The following HOOK1 variants were observed in gnomAD, a reference collection of about 807,000 sequenced individuals.
The protein encoded by HOOK1 is hook microtubule tethering protein 1.
A neutral mutation model predicts 112.8 loss-of-function variants in HOOK1; 60 were observed. The observed-to-expected ratio is 0.53, with a 90% CI of 0.43 to 0.66. The LOEUF is 0.66. Among genes scored for constraint, HOOK1 ranks in the 30% least tolerant of loss-of-function variants. The probability of loss-of-function intolerance (pLI) is 0.00; values close to 1 mark genes in which losing one functional copy is unlikely to be tolerated. For missense variants in HOOK1, 770 were observed against 856.0 expected (o/e 0.90, Z 1.25); for synonymous variants, 294 against 283.8 (o/e 1.04, Z -0.36).
intron 20 of HOOK1, among the ~76,000 whole-genome samples, chr1:59,869,683 A>G (rs1396231265): frequency 6.6e-6 from 1 of 152,170 alleles, no homozygotes; most frequent in Non-Finnish European, 1.5e-5. Context: ...TCCTACATCC[A>G]TAGTACGACA....
At chr1:59,850,259 C>T (rs766130712) in intron 12 of HOOK1, among the ~76,000 whole-genome samples, 4 of 150,732 alleles carry the variant, frequency 2.7e-5, no homozygotes, top group Non-Finnish European at 5.9e-5. Context: ...TTTATATATT[C>T]TAGATACAAG....
chr1:59,834,280 G>A (rs554443615), intron 5 of HOOK1, among the ~76,000 whole-genome samples: 2 of 152,140 alleles, frequency 1.3e-5, no homozygotes, highest in East Asian at 3.9e-4. Flanking sequence ...TTCAAGCCAG[G>A]GCCTTGGAAA....
Position 59,821,901 on chromosome 1 carries a change from AGCTG to A in HOOK1, c.108_111del (p.Thr38ValfsTer22). ...GCCTCACCTTGTCAAGATGTCAAACAGCTGACTAGTGGAGTTGCCATGGCACAAG... is the reference window on the plus strand; with the variant it reads ...GCCTCACCTTGTCAAGATGTCAAACAACTAGTGGAGTTGCCATGGCACAAG... On this transcript the variant is annotated frameshift_variant, in exon 2 of 22. Transcript: ENST00000371208. LOFTEE classifies it high-confidence loss of function. 6.2e-7 allele frequency: 1 copy of A among 1,609,348 alleles called. No homozygotes were observed.
intron 1 of HOOK1, among the ~76,000 whole-genome samples, chr1:59,818,478 A>G (rs943229979): frequency 6.6e-6 from 1 of 152,226 alleles, no homozygotes; most frequent in Non-Finnish European, 1.5e-5. Flanking sequence ...CTTAGCAGAA[A>G]ATTCAGGGCA....
chr1:59,845,023 G>A (rs946585451), intron 9 of HOOK1, among the ~76,000 whole-genome samples: 1 of 151,868 alleles, frequency 6.6e-6, no homozygotes, highest in Admixed American at 6.6e-5. Context: ...GTCCATTCCT[G>A]CTGCTTTAAC....
At chr1:59,858,685 T>C (rs1279387041) in intron 13 of HOOK1, among the ~76,000 whole-genome samples, 170 bp downstream of exon 13, 4 of 151,158 alleles carry the variant, frequency 2.6e-5, no homozygotes, top group African/African-American at 9.7e-5. Context: ...TGCAGTGAGC[T>C]ATGATTGTAC....
chr1:59,831,929 A>G (rs1363662807), intron 3 of HOOK1, among the ~76,000 whole-genome samples: 1 of 152,226 alleles, frequency 6.6e-6, no homozygotes, highest in African/African-American at 2.4e-5. Flanking sequence ...AAATTTTTAC[A>G]GTGGGCCCTT....
intron 21 of HOOK1, among the ~76,000 whole-genome samples, chr1:59,871,519 A>G (rs1052500739): frequency 6.6e-6 from 1 of 152,184 alleles, no homozygotes; most frequent in Non-Finnish European, 1.5e-5. Flanking sequence ...AACATCCTCT[A>G]AAGCCTCAGT....
At position 59,833,532 on chromosome 1, in the gene HOOK1, A is replaced by C; in HGVS notation, c.401A>C (p.Lys134Thr). Residue 134 changes from lysine to threonine, a missense_variant, in exon 5 of 22, where the codon AAG becomes ACG. Around this residue, in one of 3 missense-constraint regions of HOOK1, gnomAD observed 655 missense variants for 725.9 expected, o/e 0.90. Transcript: ENST00000371208. ...GGTTGTGCGATCAACTGTGAAAAGA[A>C]GCAAGGTAAGTGAATTTCAATCATT... ...ILGCAINCEK[K>T]QEHIQNIMTL... 6.5e-7 allele frequency: 1 copy of C among 1,548,146 alleles called. No individual in the cohort carries two copies. The highest frequency in any genetic ancestry group is 8.8e-7 in the Non-Finnish European group (1 of 1,139,728).
In HOOK1 at chr1:59,843,578, A is replaced by G. The variant is rs1050910098; in HGVS notation, c.768A>G (p.Gln256=). Residue 256 remains glutamine, a synonymous_variant, in exon 9 of 22, where the codon CAA becomes CAG. Coordinates refer to ENST00000371208, the MANE Select transcript of HOOK1 (RefSeq NM_015888.6). ...KYFHAQLQLE[Q]LQEENFRLEA... ...TTCATGCACAATTACAACTAGAACAATTACAGGAAGAAAACTTCAGGTAGC... is the reference window on the plus strand; with the variant it reads ...TTCATGCACAATTACAACTAGAACAGTTACAGGAAGAAAACTTCAGGTAGC... 1.9e-6 allele frequency: 3 copies of G among 1,600,216 alleles called. No homozygotes were observed. The highest frequency in any genetic ancestry group is 2.6e-6 in the Non-Finnish European group (3 of 1,174,576).
chr1:59,858,526 T>C lies in HOOK1; in HGVS notation c.1330+11T>C, dbSNP rs2098411853. The C allele has an allele frequency of 6.3e-7, 1 of 1,584,630 alleles. No homozygotes were observed. The highest frequency in any genetic ancestry group is 8.7e-7 in the Non-Finnish European group (1 of 1,153,394). Reference sequence around the variant, plus strand: ...ACCTAAACCAAACAGGTTAATTTTGTTAGATTTAGAAAAGTTTCAGCCTGG... The same window carrying C: ...ACCTAAACCAAACAGGTTAATTTTGCTAGATTTAGAAAAGTTTCAGCCTGG... On this transcript the variant is annotated intron_variant, in intron 13 of 21. Transcript: ENST00000371208.
At position 59,872,979 on chromosome 1, in the gene HOOK1, C is replaced by A. The variant is rs536716188; in HGVS notation, c.*14C>A. ...ACATCTGATTAAACTGCAAAAAAAA[C>A]AAAACAAAACAAAAAAACCACATAA... On this transcript the variant is annotated 3_prime_UTR_variant, in exon 22 of 22. Coordinates refer to ENST00000371208, the MANE Select transcript of HOOK1 (RefSeq NM_015888.6). The A allele has an allele frequency of 5.9e-5, 85 of 1,429,186 alleles. No individual in the cohort carries two copies. In the African/African-American group the frequency reaches 8.9e-4, roughly 15 times the overall value. The allele number at this position is 1,429,186 out of a possible 1,614,324, so 88.5% of individuals were successfully genotyped here.
Position 59,872,781 on chromosome 1 carries a change from T to A in HOOK1, c.2017-14T>A. The A allele has an allele frequency of 9.2e-7, 1 of 1,092,522 alleles. No homozygotes were observed. The highest frequency in any genetic ancestry group is 2.5e-5 in the South Asian group (1 of 39,508). The allele number at this position is 1,092,522 out of a possible 1,614,324, so 67.7% of individuals were successfully genotyped here. A position where few individuals can be genotyped will look rare whatever the true frequency, so the allele number is the denominator to read the frequency against. On this transcript the variant is annotated splice_polypyrimidine_tract_variant and intron_variant, in intron 21 of 21. Coordinates refer to ENST00000371208, the MANE Select transcript of HOOK1 (RefSeq NM_015888.6). ...AGTCATGTTAAATAAAAAATATATG[T>A]TTTTTTTTTTCAGAGTCTAGCATTC...
Position 59,864,633 on chromosome 1 carries a change from C to A in HOOK1, c.1628C>A (p.Ser543Tyr). Residue 543 changes from serine to tyrosine, a missense_variant and splice_region_variant, in exon 17 of 22, where the codon TCC becomes TAC. Coordinates refer to ENST00000371208, the MANE Select transcript of HOOK1 (RefSeq NM_015888.6). ...AGCAATTTTTTTTAAATTTTATAGT[C>A]CAGCAAATTAAAGCAGAAGTTGGAA... ...EQGSKSEGES[S>Y]SKLKQKLEAH... The A allele has an allele frequency of 1.9e-6, 3 of 1,539,468 alleles. No individual in the cohort carries two copies. Among genetic ancestry groups the A allele is most frequent in the Non-Finnish European group, 1.8e-6 (2 of 1,120,162 alleles).
chr1:59,860,888 C>G (rs1446535347), intron 15 of HOOK1, among the ~76,000 whole-genome samples: 7 of 151,944 alleles, frequency 4.6e-5, no homozygotes. Context: ...ATTCTCCTGC[C>G]TCACCCTCCC....
chr1:59,849,853 A>G (rs2098406199), intron 12 of HOOK1, among the ~76,000 whole-genome samples: 2 of 151,570 alleles, frequency 1.3e-5, no homozygotes, highest in Admixed American at 1.3e-4. Context: ...CATTTTGTTT[A>G]TCCATTCACC....
chr1:59,871,222 T>A (rs1644050686), intron 21 of HOOK1, 112 bp downstream of exon 21: 1 of 656,630 alleles, frequency 1.5e-6, no homozygotes. Flanking sequence ...AACCAAGACA[T>A]AGCATGTTTA....
intron 7 of HOOK1, among the ~76,000 whole-genome samples, chr1:59,838,419 T>C (rs1274273215): frequency 1.3e-5 from 2 of 152,232 alleles, no homozygotes; most frequent in Non-Finnish European, 2.9e-5. Context: ...TCATTGTGGT[T>C]TTGATTTGCG....
chr1:59,832,032 T>C, intron 3 of HOOK1, 131 bp from the exon 4 acceptor site: 1 of 516,068 alleles, frequency 1.9e-6, no homozygotes, highest in South Asian at 3.1e-5. Context: ...GTGTTTGTAT[T>C]TATAGAACTC....
Sources: gnomAD v4.1 joint callset for allele counts (sites outside exome capture counted in the v4.1 genomes callset) on GRCh38, gnomAD v4.1.1 for gene constraint, gnomAD v4.1.1 regional missense constraint, MANE v1.5 for transcripts, NCBI Gene and HGNC (gene_info 2026-07-23, HGNC 2026-07-21) for gene names.